The following ATG13 variants were observed in gnomAD, a reference collection of about 807,000 sequenced individuals.
ATG13 encodes the protein autophagy related 13.
In ATG13, 23 loss-of-function variants were observed where a neutral mutation model predicts 65.5. That is an observed-to-expected ratio of 0.35 (90% CI 0.25 to 0.50). ATG13 has a LOEUF of 0.50. Ranked by LOEUF, ATG13 falls within the 20% of genes least tolerant of loss-of-function variation. ATG13 has a pLI of 0.98. For missense variants in ATG13, 566 were observed against 677.0 expected, an observed-to-expected ratio of 0.84 and a Z score of 1.82; for synonymous variants, 252 against 245.2, an observed-to-expected ratio of 1.03 and a Z score of -0.26.
chr11:46,659,531 A>G (rs200085106), intron 11 of ATG13, 46 bp downstream of exon 11: 242 of 1,477,374 alleles, frequency 1.6e-4, no homozygotes, highest in Non-Finnish European at 2.0e-4. Flanking sequence ...TTTGGTATAT[A>G]TATGGGCTTT....
At chr11:46,669,646 A>C in intron 18 of ATG13, 114 bp downstream of exon 18, 3 of 1,266,598 alleles carry the variant, frequency 2.4e-6, no homozygotes, top group Non-Finnish European at 3.3e-6. Context: ...AAGAGACATA[A>C]TTAGAAAATT....
rs549768601 is a variant in ATG13 at position 46,635,755 on chromosome 11, G to C, written c.-14+5655G>C. Among the ~76,000 whole-genome samples the C allele has an allele frequency of 6.6e-5, 10 of 152,290 alleles. No individual in the cohort carries two copies. The East Asian group carries it at 1.5e-3, about 24-fold the overall frequency. On this transcript the variant is annotated intron_variant, in intron 2 of 18. Coordinates refer to ENST00000683050, the MANE Select transcript of ATG13 (RefSeq NM_001346311.2). ...GGGAGATAACTTTTTCCCTAGTGGAGACTGCACCCTTTTTGGCTCAATAAC... is the reference window on the plus strand; with the variant it reads ...GGGAGATAACTTTTTCCCTAGTGGACACTGCACCCTTTTTGGCTCAATAAC...
intron 1 of ATG13, among the ~76,000 whole-genome samples, chr11:46,619,372 C>CTGTTTTTTTTT (rs2046539296): frequency 2.8e-5 from 1 of 35,328 alleles, no homozygotes; most frequent in Non-Finnish European, 5.4e-5. Context: ...AGATTTCTTG[C>CTGTTTTTTTTT]TTTTTTTTTT....
intron 18 of ATG13, 88 bp downstream of exon 18, chr11:46,669,620 C>A (rs2063239802): frequency 1.4e-6 from 2 of 1,453,866 alleles, no homozygotes; most frequent in Non-Finnish European, 1.9e-6. Flanking sequence ...CACCTTCTAT[C>A]TTCCCTGTAA....
chr11:46,632,673 C>T (rs1282925349), intron 2 of ATG13, among the ~76,000 whole-genome samples: 1 of 151,784 alleles, frequency 6.6e-6, no homozygotes, highest in African/African-American at 2.4e-5. Flanking sequence ...TTGTCAGGTC[C>T]GGTACCTCTA....
chr11:46,668,520 A>G lies in ATG13; in HGVS notation c.1273A>G (p.Ile425Val). The G allele has an allele frequency of 1.2e-6, 2 of 1,614,172 alleles. No individual in the cohort carries two copies. The highest frequency in any genetic ancestry group is 2.2e-5 in the South Asian group (2 of 91,090). Residue 425 changes from isoleucine to valine, a missense_variant, in exon 16 of 19, where the codon ATA (isoleucine) becomes GTA (valine). By Grantham distance (29) the Ile-to-Val change is conservative. Transcript: ENST00000683050. ...INQVTLTSLD[I>V]PFAMFAPKNL... ...TCAGGTGACCCTGACGAGTTTGGAT[A>G]TACCCTTTGCCATGTTTGCTCCCAA...
chr11:46,624,232 G>A (rs148095573), intron 1 of ATG13, among the ~76,000 whole-genome samples: 1 of 152,128 alleles, frequency 6.6e-6, no homozygotes, highest in African/African-American at 2.4e-5. Context: ...TCGAACTCTT[G>A]ACCTCAAGTG....
chr11:46,636,599 T>G (rs1402678881), intron 2 of ATG13, among the ~76,000 whole-genome samples: 4 of 148,154 alleles, frequency 2.7e-5, no homozygotes, highest in Non-Finnish European at 5.9e-5. Context: ...AAAGAGTATA[T>G]ACTGTATGAT....
At chr11:46,648,105 C>A (rs373410412) in intron 5 of ATG13, among the ~76,000 whole-genome samples, 6 of 150,588 alleles carry the variant, frequency 4.0e-5, no homozygotes, top group African/African-American at 9.8e-5. Flanking sequence ...TAACCCCACC[C>A]CCCCCAGCAC....
intron 4 of ATG13, 60 bp from the exon 5 acceptor site, chr11:46,645,810 A>G: frequency 6.2e-7 from 1 of 1,606,242 alleles, no homozygotes; most frequent in Non-Finnish European, 8.5e-7. Context: ...GCATACACTA[A>G]TTTCTTTTTC....
rs1288582716 is a variant in ATG13 at position 46,653,913 on chromosome 11, C to T, written c.459-2320C>T. Among the ~76,000 whole-genome samples, 3 of 152,132 alleles carry T rather than the reference C, an allele frequency of 2.0e-5. No individual in the cohort carries two copies. The East Asian group carries it at 5.8e-4, about 29-fold the overall frequency. On this transcript the variant is annotated intron_variant, in intron 7 of 18. Coordinates refer to ENST00000683050, the MANE Select transcript of ATG13 (RefSeq NM_001346311.2). ...TGGAGCTTAGTATTTATTGAATAAA[C>T]CCATGTGTATATTTAATTTTAACAA... is the stretch of plus-strand genomic sequence containing the variant.
chr11:46,668,678 C>T (rs2062979728), intron 16 of ATG13, 102 bp downstream of exon 16: 1 of 1,501,314 alleles, frequency 6.7e-7, no homozygotes, highest in Non-Finnish European at 9.3e-7. Flanking sequence ...AACCATGGCC[C>T]CTCGGCTTAC....
At chr11:46,658,161 G>A (rs2060413377) in intron 10 of ATG13, among the ~76,000 whole-genome samples, 1 of 151,972 alleles carries the variant, frequency 6.6e-6, no homozygotes, top group Non-Finnish European at 1.5e-5. Context: ...CAAATTAATT[G>A]GTTTTCAGGT....
chr11:46,621,369 T>G lies in ATG13; in HGVS notation c.-70+3479T>G, dbSNP rs972274834. On this transcript the variant is annotated intron_variant, in intron 1 of 18. Transcript: ENST00000683050. ...TTTCTTTTTACATGAAGTCTGTAGTTTATAAAATGATGAATTTGTCTACTT... is the reference window on the plus strand; with the variant it reads ...TTTCTTTTTACATGAAGTCTGTAGTGTATAAAATGATGAATTTGTCTACTT... Among the ~76,000 whole-genome samples the G allele has an allele frequency of 2.6e-5, 4 of 152,162 alleles. 1 individual carries two copies. Among genetic ancestry groups the G allele is most frequent in the Non-Finnish European group, 5.9e-5 (4 of 68,018 alleles).
At position 46,627,106 on chromosome 11, in the gene ATG13, C is replaced by A. The variant is rs535317794; in HGVS notation, c.-69-2939C>A. ...AATAAGATAATTAGCCCGGGCCGGG[C>A]GTGATGGCTCACGCCTGTAATCCCA... is the stretch of plus-strand genomic sequence containing the variant. On this transcript the variant is annotated intron_variant, in intron 1 of 18. Coordinates refer to ENST00000683050, the MANE Select transcript of ATG13 (RefSeq NM_001346311.2). 5.9e-5 allele frequency among the ~76,000 whole-genome samples: 9 copies of A among 152,132 alleles called. 1 individual carries two copies. The South Asian group carries it at 1.7e-3, about 28-fold the overall frequency.
At chr11:46,624,200 C>T (rs1161243853) in intron 1 of ATG13, among the ~76,000 whole-genome samples, 1 of 151,962 alleles carries the variant, frequency 6.6e-6, no homozygotes, top group East Asian at 1.9e-4. Flanking sequence ...GAAAGGGTTT[C>T]GCCATGTTGG....
Position 46,619,336 on chromosome 11 carries a change from AT to A in ATG13, c.-70+1455del, listed in dbSNP as rs564268106. The stretch of plus-strand genomic sequence containing the variant: ...AAAGGTTATTTTAAATAATTAGCTG[AT>A]TTTTTTTTAATGTCCTTGGAAGGTA... On this transcript the variant is annotated intron_variant, in intron 1 of 18. Coordinates refer to ENST00000683050, the MANE Select transcript of ATG13 (RefSeq NM_001346311.2). 8.3e-5 allele frequency among the ~76,000 whole-genome samples: 6 copies of A among 72,724 alleles called. 1 individual carries two copies. The highest frequency in any genetic ancestry group is 2.7e-4 in the African/African-American group (5 of 18,864). The allele number at this position is 72,724 out of a possible 152,430, so 47.7% of individuals were successfully genotyped here.
intron 2 of ATG13, chr11:46,632,309 G>T (rs2052079626): frequency 6.6e-6 from 1 of 152,060 alleles, no homozygotes; most frequent in Non-Finnish European, 1.5e-5. Flanking sequence ...ATAGTAATTG[G>T]GTTATATCCC....
intron 11 of ATG13, 77 bp downstream of exon 11, chr11:46,659,562 A>G: frequency 8.2e-7 from 1 of 1,221,184 alleles, no homozygotes; most frequent in South Asian, 1.3e-5. Flanking sequence ...GTCCAAATTT[A>G]GCTACAATCC....
Sources: gnomAD v4.1 joint callset for allele counts (sites outside exome capture counted in the v4.1 genomes callset) on GRCh38, gnomAD v4.1.1 for gene constraint, MANE v1.5 for transcripts, NCBI Gene and HGNC (gene_info 2026-07-23, HGNC 2026-07-21) for gene names.